NIPBL: variants seen among roughly 807,000 people sequenced by gnomAD.
NIPBL encodes the protein NIPBL cohesin loading factor.
Under a neutral mutation model 321.8 loss-of-function variants are expected in NIPBL, and 19 were observed. The observed-to-expected ratio is 0.06, with a 90% confidence interval of 0.04 to 0.09. NIPBL has a LOEUF of 0.09. Among genes scored for constraint, NIPBL ranks in the 10% least tolerant of loss-of-function variants. The probability of loss-of-function intolerance (pLI) is 1.00; values close to 1 mark genes in which losing one functional copy is unlikely to be tolerated. For synonymous variants in NIPBL, 1,106 were observed against 1,114.1 expected (o/e 0.99, Z 0.14); for missense variants, 2,210 against 3,327.0 (o/e 0.66, Z 8.26).
chr5:36,955,730 G>C (rs1740866294), intron 3 of NIPBL, 93 bp downstream of exon 3: 1 of 942,874 alleles, frequency 1.1e-6, no homozygotes. Flanking sequence ...GAAATTTTTA[G>C]ATACATAGTT....
intron 19 of NIPBL, 136 bp downstream of exon 19, chr5:37,008,224 A>G (rs1403166631): frequency 1.5e-6 from 1 of 667,828 alleles, no homozygotes; most frequent in African/African-American, 1.8e-5. Flanking sequence ...CTATTTTACT[A>G]AGTCTTATTA....
intron 38 of NIPBL, among the ~76,000 whole-genome samples, chr5:37,046,771 T>A: frequency 6.6e-6 from 1 of 152,222 alleles, no homozygotes; most frequent in East Asian, 1.9e-4. Flanking sequence ...CTATGTGGCT[T>A]ATATCTAGGA....
chr5:36,878,617 A>G (rs1432452574), intron 1 of NIPBL, among the ~76,000 whole-genome samples: 1 of 152,224 alleles, frequency 6.6e-6, no homozygotes, highest in African/African-American at 2.4e-5. Context: ...TTGTGTCATT[A>G]AATTATTGTC....
intron 1 of NIPBL, among the ~76,000 whole-genome samples, chr5:36,936,125 C>T (rs1177920129): frequency 6.6e-6 from 1 of 152,090 alleles, no homozygotes; most frequent in Admixed American, 6.6e-5. Context: ...ATCAAAGTTA[C>T]TTGAATTAAA....
At chr5:36,933,567 G>A (rs1413428960) in intron 1 of NIPBL, among the ~76,000 whole-genome samples, 1 of 152,042 alleles carries the variant, frequency 6.6e-6, no homozygotes, top group Non-Finnish European at 1.5e-5. Context: ...CCATAACATG[G>A]TAAAAGAAGT....
chr5:37,044,203 T>TG, intron 34 of NIPBL, 144 bp from the exon 35 acceptor site: 1 of 707,440 alleles, frequency 1.4e-6, no homozygotes, highest in Non-Finnish European at 2.3e-6. Context: ...TTCCATACCT[T>TG]GAAAAAAAAA....
intron 6 of NIPBL, among the ~76,000 whole-genome samples, chr5:36,962,724 A>C (rs1050418493): frequency 5.9e-5 from 9 of 152,198 alleles, no homozygotes; most frequent in African/African-American, 1.9e-4. Flanking sequence ...TCTGTAGTGA[A>C]CACGTACAGA....
chr5:36,956,094 G>C (rs1487953785), intron 3 of NIPBL, among the ~76,000 whole-genome samples: 3 of 151,424 alleles, frequency 2.0e-5, no homozygotes, highest in Non-Finnish European at 2.9e-5. Flanking sequence ...AGCCAGGCGT[G>C]GTGGCGGGCG....
intron 1 of NIPBL, among the ~76,000 whole-genome samples, chr5:36,939,256 G>C (rs1738800600): frequency 6.6e-6 from 1 of 152,070 alleles, no homozygotes; most frequent in African/African-American, 2.4e-5. Context: ...ATCTGCCTCG[G>C]CCTCCTGAAG....
Position 37,006,516 on chromosome 5 carries a change from T to C in NIPBL, c.4015T>C (p.Tyr1339His). Residue 1339 changes from tyrosine to histidine, a missense_variant, in exon 17 of 47, where the codon TAC (tyrosine) becomes CAC (histidine). Transcript: ENST00000282516. The stretch of plus-strand genomic sequence containing the variant: ...GGATGTAATTGAAAGAGTTATACAG[T>C]ACACTAAATTTCATTTGCAGAATAC... ...IEDVIERVIQ[Y>H]TKFHLQNTLY... 6.2e-7 allele frequency: 1 copy of C among 1,612,002 alleles called. No homozygotes were observed. Among genetic ancestry groups the C allele is most frequent in the Non-Finnish European group, 8.5e-7 (1 of 1,178,450 alleles).
intron 9 of NIPBL, among the ~76,000 whole-genome samples, chr5:36,980,562 C>T (rs1263237255): frequency 6.6e-6 from 1 of 151,550 alleles, no homozygotes; most frequent in Non-Finnish European, 1.5e-5. Flanking sequence ...CAGATGCTTA[C>T]CATTGTGTTA....
At chr5:36,982,412 C>T (rs1443724080) in intron 9 of NIPBL, among the ~76,000 whole-genome samples, 3 of 151,666 alleles carry the variant, frequency 2.0e-5, no homozygotes, top group African/African-American at 7.3e-5. Context: ...TCAGAACATA[C>T]ATGCTCTTGA....
intron 1 of NIPBL, chr5:36,886,222 A>G (rs1745896630): frequency 1.5e-6 from 1 of 659,900 alleles, no homozygotes; most frequent in Admixed American, 2.1e-5. Context: ...GCAGCTCAAC[A>G]GAATCCTGCT....
rs1746153104 is a variant in NIPBL, at chr5:36,996,392, T to A, written c.3304+588T>A. 1 of 456,434 alleles carries A rather than the reference T, an allele frequency of 2.2e-6. No individual in the cohort carries two copies. The highest frequency in any genetic ancestry group is 4.4e-6 in the Non-Finnish European group (1 of 226,840). 28.3% of individuals were successfully genotyped at this position (456,434 alleles called of 1,614,324 possible). On this transcript the variant is annotated intron_variant, in intron 11 of 46. Coordinates refer to ENST00000282516, the MANE Select transcript of NIPBL (RefSeq NM_133433.4). The surrounding 1 kb of genome is among the most constrained non-coding windows in gnomAD (Gnocchi z 5.0). ...TGAATGGATTAGCCACATTGCAGAT[T>A]ATCTGTGTGGTTTGGACCTGGCTTC...
At chr5:36,968,462 C>T (rs997930432) in intron 6 of NIPBL, among the ~76,000 whole-genome samples, 1 of 151,484 alleles carries the variant, frequency 6.6e-6, no homozygotes, top group Admixed American at 6.6e-5. Context: ...CCAGCTACTC[C>T]GAAGGCTGAG....
chr5:37,000,395 AGAT>A lies in NIPBL; in HGVS notation c.3334_3336del (p.Asp1112del), dbSNP rs1196574237. ...TAGCCTCTAGGAAACGACATAAAAAAGATGATGATAAAGCTTGGGAATATGAAG... is the reference window on the plus strand; with the variant it reads ...TAGCCTCTAGGAAACGACATAAAAAAGATGATAAAGCTTGGGAATATGAAG... On this transcript the variant is annotated inframe_deletion, in exon 12 of 47. Transcript: ENST00000282516. The A allele has an allele frequency of 6.2e-7, 1 of 1,613,064 alleles. No individual in the cohort carries two copies. The highest frequency in any genetic ancestry group is 8.5e-7 in the Non-Finnish European group (1 of 1,179,314).
intron 6 of NIPBL, among the ~76,000 whole-genome samples, chr5:36,969,943 A>G (rs972997474): frequency 6.6e-6 from 1 of 152,204 alleles, no homozygotes; most frequent in African/African-American, 2.4e-5. Flanking sequence ...GAGCTCTTAC[A>G]CATTTATAAA....
intron 40 of NIPBL, 49 bp from the exon 41 acceptor site, chr5:37,051,723 CTAAATAG>C (rs780555426): frequency 8.1e-7 from 1 of 1,237,014 alleles, no homozygotes; most frequent in African/African-American, 1.5e-5. Context: ...TGACATATGT[CTAAATAG>C]AGAATTTTTA....
In NIPBL at chr5:36,985,952, C is replaced by T. The variant is rs188565385; in HGVS notation, c.2772C>T (p.Asn924=). ...AAGATGACAAAAGGACAGAGGGTAA[C>T]AAGAGTAAAGTAGACACTAATAAAG... is the stretch of plus-strand genomic sequence containing the variant. ...TSKDDKRTEG[N]KSKVDTNKAH... is the part of the protein sequence containing the mutation. Residue 924 remains asparagine (N), a synonymous_variant, in exon 10 of 47, where the codon AAC becomes AAT. Transcript: ENST00000282516. 16 of 1,613,840 alleles carry T rather than the reference C, an allele frequency of 9.9e-6. 2 individuals carry two copies. The highest frequency in any genetic ancestry group is 3.3e-4 in the Middle Eastern group (2 of 6,060).
Sources: gnomAD v4.1 joint callset for allele counts (sites outside exome capture counted in the v4.1 genomes callset) on GRCh38, gnomAD v4.1.1 for gene constraint, Gnocchi (gnomAD v3.1) non-coding constraint, MANE v1.5 for transcripts, NCBI Gene and HGNC (gene_info 2026-07-23, HGNC 2026-07-21) for gene names.